The following TUSC3 variants were observed in gnomAD, a reference collection of about 807,000 sequenced individuals.
The protein encoded by TUSC3 is tumor suppressor candidate 3, also known as dolichyl-diphosphooligosaccharide--protein glycosyltransferase subunit TUSC3.
In TUSC3, 45 loss-of-function variants were observed where a neutral mutation model predicts 44.8. The observed-to-expected ratio is 1.00, with a 90% CI of 0.79 to 1.29. The LOEUF is 1.29. Among genes scored for constraint, TUSC3 ranks in the 50% most tolerant of loss-of-function variants. The pLI is 0.00. For missense variants in TUSC3, 519 were observed against 437.9 expected, an observed-to-expected ratio of 1.19 and a Z score of -1.65; for synonymous variants, 212 against 152.9, an observed-to-expected ratio of 1.39 and a Z score of -2.85.
rs1585229332 is a variant in TUSC3 at position 15,686,790 on chromosome 8, C to T, written c.798+12954C>T. 2.0e-5 allele frequency among the ~76,000 whole-genome samples: 3 copies of T among 152,180 alleles called. No homozygotes were observed. The South Asian group carries it at 6.2e-4, about 32-fold the overall frequency. The stretch of plus-strand genomic sequence containing the variant: ...TTTTAAACAAAAAAACCCAGCTGGC[C>T]GGGCGTGGTGGCTCAAGCCTGTAAT... On this transcript the variant is annotated intron_variant, in intron 6 of 10. Coordinates refer to ENST00000503731, the MANE Select transcript of TUSC3 (RefSeq NM_006765.4).
intron 9 of TUSC3, among the ~76,000 whole-genome samples, chr8:15,754,785 TTAAAC>T (rs67890916): frequency 0.27 from 41,301 of 151,612 alleles, 6,297 homozygotes; most frequent in Admixed American, 0.39. Context: ...ATAATTGTCT[TTAAAC>T]TAATTTTTTT....
the TUSC3 span, chr8:15,806,527 C>G: frequency 1.5e-6 from 2 of 1,351,368 alleles, no homozygotes; most frequent in African/African-American, 2.9e-5. Context: ...TGACTTCAAG[C>G]CTGGATCTTA....
intron 2 of TUSC3, among the ~76,000 whole-genome samples, chr8:15,507,991 C>T (rs576440568): frequency 2.6e-5 from 4 of 152,082 alleles, no homozygotes; most frequent in Admixed American, 1.3e-4. Context: ...CCTGTAATCC[C>T]AGCACTTTGG....
chr8:15,419,635 C>T (rs1026211757), intron 1 of TUSC3, among the ~76,000 whole-genome samples: 1 of 151,980 alleles, frequency 6.6e-6, no homozygotes, highest in Non-Finnish European at 1.5e-5. Context: ...ATAATGCAAA[C>T]ACAAATGTCA....
At position 15,662,172 on chromosome 8, in the gene TUSC3, C is replaced by T. The variant is rs758195922; in HGVS notation, c.584C>T (p.Pro195Leu). The T allele has an allele frequency of 6.2e-7, 1 of 1,612,616 alleles. No homozygotes were observed. Among genetic ancestry groups the T allele is most frequent in the South Asian group, 1.1e-5 (1 of 90,998 alleles). ...RTDVHIRVFR[P>L]PNYSGTIALA... ...TTTTTGCAGATTCGGGTTTTCAGAC[C>T]ACCCAACTACTCTGGTACCATTGCT... Residue 195 changes from proline (P) to leucine (L), a missense_variant, in exon 5 of 11, where the codon CCA (proline) becomes CTA (leucine). By Grantham distance (98) the Pro-to-Leu change is moderately conservative. Transcript: ENST00000503731.
In TUSC3 at chr8:15,448,783, A is replaced by T. The variant is rs1377671217; in HGVS notation, n.91+31478A>T. Among the ~76,000 whole-genome samples the T allele has an allele frequency of 3.9e-5, 6 of 152,342 alleles. No homozygotes were observed. The East Asian group carries it at 1.2e-3, about 29-fold the overall frequency. ...GTAAACAAAAAAGAGTACTGCTAAA[A>T]TAGGTATGGGACACAGCTTTCCATA... On this transcript the variant is annotated intron_variant and non_coding_transcript_variant, in intron 1 of 5. Transcript: ENST00000503191.
chr8:15,586,166 A>C (rs1005454869), intron 1 of TUSC3, among the ~76,000 whole-genome samples: 13 of 152,208 alleles, frequency 8.5e-5, no homozygotes, highest in African/African-American at 3.1e-4. Context: ...TTGCCTGTTA[A>C]AAGGTCATTT....
At chr8:15,699,035 A>G (rs1287811220) in intron 6 of TUSC3, among the ~76,000 whole-genome samples, 1 of 151,990 alleles carries the variant, frequency 6.6e-6, no homozygotes, top group Non-Finnish European at 1.5e-5. Flanking sequence ...TTTTGTAGAG[A>G]CAGGGTCTTG....
intron 7 of TUSC3, among the ~76,000 whole-genome samples, chr8:15,740,528 G>A (rs352757): frequency 0.83 from 124,833 of 150,606 alleles, 52,125 homozygotes; most frequent in East Asian, 0.92. Flanking sequence ...GAAAAAAAAA[G>A]AACAAGCAGT....
At position 15,748,379 on chromosome 8, in the gene TUSC3, T is replaced by A. The variant is rs907252979; in HGVS notation, c.942T>A (p.Ile314=). ...SKGDVGKRRI[I]CLVGLGLVVF... ...GTATTTTCTGTCTGTTTCTAGTAAT[T>A]TGCCTAGTGGGATTGGGCCTGGTGG... is the stretch of plus-strand genomic sequence containing the variant. The change falls in exon 9 of 11, where the codon ATT becomes ATA. Residue 314 remains isoleucine, a synonymous_variant. Coordinates refer to ENST00000503731, the MANE Select transcript of TUSC3 (RefSeq NM_006765.4). 6.2e-6 allele frequency: 10 copies of A among 1,612,778 alleles called. No homozygotes were observed. The highest frequency in any genetic ancestry group is 5.0e-5 in the Admixed American group (3 of 59,988).
chr8:15,651,734 T>G (rs566261703), intron 3 of TUSC3, among the ~76,000 whole-genome samples: 1 of 152,326 alleles, frequency 6.6e-6, no homozygotes, highest in South Asian at 2.1e-4. Context: ...GGTCACCTAC[T>G]CTGGAATTTT....
chr8:15,727,929 A>C (rs1810564272), intron 6 of TUSC3, among the ~76,000 whole-genome samples: 1 of 152,196 alleles, frequency 6.6e-6, no homozygotes, highest in Non-Finnish European at 1.5e-5. Flanking sequence ...TGTTCATAAT[A>C]ACACAGTTAG....
At chr8:15,642,694 A>G (rs1454921912) in intron 2 of TUSC3, among the ~76,000 whole-genome samples, 2 of 152,142 alleles carry the variant, frequency 1.3e-5, no homozygotes, top group Admixed American at 6.5e-5. Context: ...TGCAATATAT[A>G]TATATGAATT....
chr8:15,717,512 T>G (rs1217778830), intron 6 of TUSC3, among the ~76,000 whole-genome samples: 1 of 152,110 alleles, frequency 6.6e-6, no homozygotes, highest in East Asian at 1.9e-4. Flanking sequence ...ATAAACAGTT[T>G]TGCTTTCCAT....
intron 1 of TUSC3, among the ~76,000 whole-genome samples, chr8:15,460,187 A>G (rs1445725434): frequency 2.6e-5 from 4 of 152,072 alleles, no homozygotes; most frequent in Non-Finnish European, 4.4e-5. Context: ...CTCTGCATCC[A>G]CACCAACATC....
At chr8:15,473,812 G>A (rs1392187007) in intron 1 of TUSC3, among the ~76,000 whole-genome samples, 1 of 152,148 alleles carries the variant, frequency 6.6e-6, no homozygotes, top group African/African-American at 2.4e-5. Flanking sequence ...CAGAACTACT[G>A]ATAAGGGTCT....
At chr8:15,785,688 G>C in the TUSC3 span, among the ~76,000 whole-genome samples, 1 of 152,034 alleles carries the variant, frequency 6.6e-6, no homozygotes, top group Non-Finnish European at 1.5e-5. Context: ...TATTTAAAGA[G>C]ATGGACAATA....
upstream of TUSC3, chr8:15,540,130 C>A: frequency 5.4e-6 from 2 of 372,600 alleles, no homozygotes; most frequent in Non-Finnish European, 9.6e-6. Flanking sequence ...CTCCTCAGCG[C>A]TGGTCCGGGA....
chr8:15,721,384 G>C (rs968168358), intron 6 of TUSC3, among the ~76,000 whole-genome samples: 2 of 151,806 alleles, frequency 1.3e-5, no homozygotes, highest in Admixed American at 1.3e-4. Context: ...TTGCATTTTG[G>C]ATTTACATTT....
Sources: allele counts gnomAD v4.1 joint callset (sites outside exome capture counted in the v4.1 genomes callset), GRCh38; gene constraint gnomAD v4.1.1; transcripts MANE v1.5; gene names NCBI Gene and HGNC (gene_info 2026-07-23, HGNC 2026-07-21).